Variants in KIAA1671 observed in about 807,000 individuals in gnomAD.
KIAA1671 encodes the protein KIAA1671.
KIAA1671 carries 52 observed loss-of-function variants against 131.2 expected under a neutral mutation model. The observed-to-expected ratio is 0.40, with a 90% CI of 0.32 to 0.50. The LOEUF (loss-of-function observed/expected upper bound fraction) is 0.50, where lower values mean the gene tolerates loss of function less well. Ranked by LOEUF, KIAA1671 falls within the 20% of genes least tolerant of loss-of-function variation. The pLI is 0.73. For missense variants in KIAA1671, 2,360 were observed against 2,364.2 expected, an observed-to-expected ratio of 1.00 and a Z score of 0.04; for synonymous variants, 1,003 against 961.6, an observed-to-expected ratio of 1.04 and a Z score of -0.80.
At chr22:25,112,955 G>C (rs1425271073) in intron 6 of KIAA1671, among the ~76,000 whole-genome samples, 1 of 151,972 alleles carries the variant, frequency 6.6e-6, no homozygotes, top group East Asian at 1.9e-4. Flanking sequence ...TGTGGTGGGC[G>C]AGTTTGCCCG....
Position 25,197,268 on chromosome 22 carries a change from G to C in KIAA1671, c.*4867G>C, listed in dbSNP as rs527525136. Reference sequence around the variant, plus strand: ...AATGGGGCTTACCAGACCTCACAGAGTATTGGACGTCTACAAGTGCTTTTA... The same window carrying C: ...AATGGGGCTTACCAGACCTCACAGACTATTGGACGTCTACAAGTGCTTTTA... On this transcript the variant is annotated 3_prime_UTR_variant, in exon 13 of 13. Coordinates refer to ENST00000358431, the MANE Select transcript of KIAA1671 (RefSeq NM_001145206.2). 8.5e-5 allele frequency: 13 copies of C among 152,302 alleles called. No individual in the cohort carries two copies. The highest frequency in any genetic ancestry group is 3.1e-4 in the African/African-American group (13 of 41,546). 9.4% of individuals were successfully genotyped at this position (152,302 alleles called of 1,614,324 possible).
At chr22:25,073,094 G>A (rs993017840) in intron 6 of KIAA1671, among the ~76,000 whole-genome samples, 6 of 152,036 alleles carry the variant, frequency 3.9e-5, no homozygotes, top group African/African-American at 1.5e-4. Flanking sequence ...TTAGAGATAG[G>A]GTCTCACTCT....
intron 1 of KIAA1671, chr22:25,015,203 G>A (rs1377929034): frequency 6.8e-6 from 1 of 147,096 alleles, no homozygotes; most frequent in Non-Finnish European, 1.5e-5. Context: ...TCATGCCTGG[G>A]ACACACAGCA....
chr22:25,066,856 C>T (rs1259372883), intron 6 of KIAA1671, among the ~76,000 whole-genome samples: 2 of 152,108 alleles, frequency 1.3e-5, no homozygotes, highest in East Asian at 3.9e-4. Flanking sequence ...GTTGGATTTT[C>T]TCCCAAGAGT....
chr22:25,175,153 C>T (rs1261926193), intron 8 of KIAA1671: 1 of 152,274 alleles, frequency 6.6e-6, no homozygotes, highest in Admixed American at 6.5e-5. Flanking sequence ...ATCCTCCTTT[C>T]CCCTGGGAGC....
At chr22:25,130,992 C>T (rs1331434159) in intron 6 of KIAA1671, among the ~76,000 whole-genome samples, 1 of 152,024 alleles carries the variant, frequency 6.6e-6, no homozygotes, top group Non-Finnish European at 1.5e-5. Context: ...GATTTTTTTT[C>T]TAAAGCTCAA....
chr22:24,965,740 C>CA (rs767916092), intron 1 of KIAA1671, among the ~76,000 whole-genome samples: 1,323 of 44,846 alleles, frequency 0.03, 22 homozygotes, highest in East Asian at 0.14. Context: ...AACTCCATCT[C>CA]AAAAAAAAAA....
intron 2 of KIAA1671, 96 bp from the exon 3 acceptor site, chr22:25,027,849 G>A (rs1384508059): frequency 1.6e-6 from 1 of 643,812 alleles, no homozygotes; most frequent in Non-Finnish European, 2.6e-6. Context: ...GGAATCTGGG[G>A]CTCAGGACTC....
chr22:25,017,809 A>G (rs1031975372), intron 1 of KIAA1671, among the ~76,000 whole-genome samples: 4 of 152,110 alleles, frequency 2.6e-5, no homozygotes, highest in African/African-American at 4.8e-5. Flanking sequence ...TTACTCCCCC[A>G]TGCAACCTGG....
At chr22:25,187,278 A>G (rs1934506798) in intron 11 of KIAA1671, among the ~76,000 whole-genome samples, 1 of 152,214 alleles carries the variant, frequency 6.6e-6, no homozygotes, top group African/African-American at 2.4e-5. Context: ...TACAAAAAGA[A>G]TACAAAGGGG....
intron 6 of KIAA1671, among the ~76,000 whole-genome samples, chr22:25,089,186 A>G (rs912277424): frequency 1.3e-5 from 2 of 151,540 alleles, no homozygotes; most frequent in South Asian, 2.1e-4. Context: ...AGACTTAAGC[A>G]TCTGTGGATT....
At chr22:25,008,805 C>G (rs928212076) in intron 1 of KIAA1671, among the ~76,000 whole-genome samples, 1 of 152,246 alleles carries the variant, frequency 6.6e-6, no homozygotes, top group Non-Finnish European at 1.5e-5. Context: ...GCCCAATAAA[C>G]TTGCAATGGT....
At chr22:25,127,463 C>T (rs1256563222) in intron 6 of KIAA1671, among the ~76,000 whole-genome samples, 1 of 152,214 alleles carries the variant, frequency 6.6e-6, no homozygotes, top group Non-Finnish European at 1.5e-5. Context: ...GAGGTGGACA[C>T]ATGGGCCTGG....
chr22:25,041,080 A>T lies in KIAA1671; in HGVS notation c.3950A>T (p.Asp1317Val). ...CCAGGGGGCTCTCCTATACCTGCGG[A>T]TCCCAGGAAAAAAACGGGGTTTGCT... ...RYPGGSPIPA[D>V]PRKKTGFAED... Residue 1317 changes from aspartate (D) to valine (V), a missense_variant, in exon 5 of 13, where the codon GAT becomes GTT. Physicochemically the swap from Asp to Val is radical, Grantham distance 152. This residue lies in a region of KIAA1671 where 1,161 missense variants were observed against 1,204.7 expected (regional missense o/e 0.96). Coordinates refer to ENST00000358431, the MANE Select transcript of KIAA1671 (RefSeq NM_001145206.2). 6.5e-7 allele frequency: 1 copy of T among 1,539,414 alleles called. No homozygotes were observed. Among genetic ancestry groups the T allele is most frequent in the Non-Finnish European group, 8.8e-7 (1 of 1,140,754 alleles).
intron 6 of KIAA1671, chr22:25,103,041 G>A (rs925241395): frequency 5.2e-5 from 8 of 152,442 alleles, no homozygotes; most frequent in African/African-American, 1.9e-4. Flanking sequence ...TTGGCAACTG[G>A]GCAAGCCCTT....
In KIAA1671 at chr22:25,146,034, G is replaced by A. The variant is rs1932873501; in HGVS notation, c.4531-24786G>A. 1.3e-5 allele frequency among the ~76,000 whole-genome samples: 2 copies of A among 152,086 alleles called. 1 individual carries two copies. Among genetic ancestry groups the A allele is most frequent in the East Asian group, 3.9e-4 (2 of 5,192 alleles). Reference sequence around the variant, plus strand: ...TGTGCATGAGTGTGCACATGTGTCTGTATGAATGCAGTTCTCTTTAAAACT... The same window carrying A: ...TGTGCATGAGTGTGCACATGTGTCTATATGAATGCAGTTCTCTTTAAAACT... On this transcript the variant is annotated intron_variant, in intron 6 of 12. Coordinates refer to ENST00000358431, the MANE Select transcript of KIAA1671 (RefSeq NM_001145206.2).
intron 6 of KIAA1671, chr22:25,070,184 C>T (rs1479480882): frequency 7.7e-6 from 3 of 390,610 alleles, no homozygotes; most frequent in Non-Finnish European, 1.4e-5. Flanking sequence ...CTTCTCAGTT[C>T]CCCAGGCAGC....
At chr22:25,185,150 TC>T (rs1213984454) in intron 11 of KIAA1671, 31 bp downstream of exon 11, 1 of 1,522,280 alleles carries the variant, frequency 6.6e-7, no homozygotes, top group African/African-American at 1.4e-5. Flanking sequence ...GGGGTCCCTC[TC>T]CTTCCAAACT....
chr22:25,041,421 A>T lies in KIAA1671; in HGVS notation c.4291A>T (p.Arg1431Trp). 6 of 1,551,814 alleles carry T rather than the reference A, an allele frequency of 3.9e-6. No individual in the cohort carries two copies. Among genetic ancestry groups the T allele is most frequent in the Non-Finnish European group, 5.2e-6 (6 of 1,147,028 alleles). Reference sequence around the variant, plus strand: ...GTCCATCATGCATGAAGCCAGAGAGAGGAGGCGAGAGCAGCCCAAAGGGAG... The same window carrying T: ...GTCCATCATGCATGAAGCCAGAGAGTGGAGGCGAGAGCAGCCCAAAGGGAG... ...GLSIMHEARE[R>W]RREQPKGRPS... Residue 1431 changes from arginine to tryptophan, a missense_variant, in exon 5 of 13, where the codon AGG becomes TGG. Arg to Trp is a moderately radical substitution (Grantham distance 101, BLOSUM62 -3). This residue lies in a region of KIAA1671 where 1,161 missense variants were observed against 1,204.7 expected (regional missense o/e 0.96). Coordinates refer to ENST00000358431, the MANE Select transcript of KIAA1671 (RefSeq NM_001145206.2).
Sources: gnomAD v4.1 joint callset for allele counts (sites outside exome capture counted in the v4.1 genomes callset) on GRCh38, gnomAD v4.1.1 for gene constraint, gnomAD v4.1.1 regional missense constraint, MANE v1.5 for transcripts, NCBI Gene and HGNC (gene_info 2026-07-23, HGNC 2026-07-21) for gene names.